Variants in CYFIP1 observed in about 807,000 individuals in gnomAD.
CYFIP1 encodes cytoplasmic FMR1 interacting protein 1.
In CYFIP1, 58 loss-of-function variants were observed where a neutral mutation model predicts 163.5. The observed-to-expected ratio is 0.35, with a 90% CI of 0.29 to 0.44. The LOEUF is 0.44. CYFIP1 is among the 20% of genes least tolerant of loss of function. The pLI, the probability that CYFIP1 is intolerant of heterozygous loss-of-function variation, is 1.00. For synonymous variants in CYFIP1, 663 were observed against 660.7 expected, an observed-to-expected ratio of 1.00 and a Z score of -0.05; for missense variants, 1,338 against 1,653.8, an observed-to-expected ratio of 0.81 and a Z score of 3.31.
chr15:22,949,250 GCGGGCACAA>G, intron 1 of CYFIP1, among the ~76,000 whole-genome samples: 1 of 138,960 alleles, frequency 7.2e-6, no homozygotes, highest in East Asian at 2.6e-4. Flanking sequence ...AGGCCGGAGG[GCGGGCACAA>G]TGTGCCTAAG....
chr15:22,876,730 C>T lies in CYFIP1; in HGVS notation c.3043-1459G>A, dbSNP rs546082342. Among the ~76,000 whole-genome samples the T allele has an allele frequency of 6.3e-4, 96 of 151,990 alleles. 1 individual carries two copies. Among genetic ancestry groups the T allele is most frequent in the African/African-American group, 2.2e-3 (93 of 41,444 alleles). ...CCTGTAATCCCAGCTACTCGGGAGA[C>T]TGAGGCAGGAGAATCACTTGAACCC... On this transcript the variant is annotated intron_variant, in intron 26 of 30. Coordinates refer to ENST00000617928, the MANE Select transcript of CYFIP1 (RefSeq NM_014608.6).
rs563176324 is a variant in CYFIP1, at chr15:22,937,695, T to G, written c.796-487A>C. ...CTCACTGCAACCTCTGCCTCCCAGG[T>G]TCAAGCGATTCTCCTGCCTCAGCCT... On this transcript the variant is annotated intron_variant, in intron 8 of 30. Coordinates refer to ENST00000617928, the MANE Select transcript of CYFIP1 (RefSeq NM_014608.6). Among the ~76,000 whole-genome samples the G allele has an allele frequency of 1.4e-3, 205 of 149,708 alleles. 2 individuals carry two copies. The highest frequency in any genetic ancestry group is 4.9e-3 in the African/African-American group (200 of 40,944).
intron 23 of CYFIP1, among the ~76,000 whole-genome samples, chr15:22,883,848 A>C (rs921224296): frequency 4.6e-5 from 7 of 151,284 alleles, no homozygotes; most frequent in African/African-American, 1.5e-4. Context: ...GGCAGGTTTA[A>C]CTGACTCACA....
chr15:22,873,918 C>T (rs567852007), intron 28 of CYFIP1, among the ~76,000 whole-genome samples, 189 bp from the exon 29 acceptor site: 2 of 152,282 alleles, frequency 1.3e-5, no homozygotes, highest in South Asian at 2.1e-4. Context: ...CCACCACACC[C>T]GGATAATTTT....
At chr15:22,872,650 A>C (rs2059470565) in intron 30 of CYFIP1, 175 bp downstream of exon 30, 2 of 616,378 alleles carry the variant, frequency 3.2e-6, no homozygotes, top group African/African-American at 3.7e-5. Flanking sequence ...TCTCTGCCAG[A>C]CTGCTTTACT....
chr15:22,978,309 G>GCCAC, intron 1 of CYFIP1, among the ~76,000 whole-genome samples: 1 of 122,670 alleles, frequency 8.2e-6, no homozygotes. Context: ...CCGAGTTTGC[G>GCCAC]TCACTGCACT....
chr15:22,874,677 C>T (rs2059532892), intron 27 of CYFIP1, 33 bp from the exon 28 acceptor site: 1 of 1,474,824 alleles, frequency 6.8e-7, no homozygotes, highest in African/African-American at 1.4e-5. Flanking sequence ...CTATATTCTG[C>T]TCCTTTGTAT....
intron 1 of CYFIP1, among the ~76,000 whole-genome samples, chr15:22,979,931 C>G (rs2063415853): frequency 6.6e-6 from 1 of 152,202 alleles, no homozygotes; most frequent in Non-Finnish European, 1.5e-5. Context: ...GCCACTGGAG[C>G]TGTGCCATGT....
Position 22,933,799 on chromosome 15 carries a change from T to C in CYFIP1, c.992+3A>G. Reference sequence around the variant, plus strand: ...AAACCAGGCAGCTTTCCTCTCCTCCTACCGAGATTTATTTTCCTCGTAGTG... The same window carrying C: ...AAACCAGGCAGCTTTCCTCTCCTCCCACCGAGATTTATTTTCCTCGTAGTG... On this transcript the variant is annotated splice_donor_region_variant and intron_variant, in intron 10 of 30. Transcript: ENST00000617928. The C allele has an allele frequency of 6.2e-7, 1 of 1,611,114 alleles. No individual in the cohort carries two copies. Among genetic ancestry groups the C allele is most frequent in the Non-Finnish European group, 8.5e-7 (1 of 1,178,302 alleles).
At chr15:22,945,652 C>A (rs531393889) in intron 3 of CYFIP1, among the ~76,000 whole-genome samples, 1 of 151,878 alleles carries the variant, frequency 6.6e-6, no homozygotes, top group Admixed American at 6.6e-5. Context: ...CAGCTCACTG[C>A]AACCTCTGCC....
intron 1 of CYFIP1, among the ~76,000 whole-genome samples, chr15:22,952,362 T>C (rs2062280339): frequency 6.6e-6 from 1 of 151,956 alleles, no homozygotes; most frequent in African/African-American, 2.4e-5. Context: ...ACACTTAAAA[T>C]GGTGAAGATG....
At chr15:22,943,607 T>TATTCCAGCAAAATTACTGAGC (rs2061962790) in intron 5 of CYFIP1, among the ~76,000 whole-genome samples, 1 of 152,210 alleles carries the variant, frequency 6.6e-6, no homozygotes, top group Non-Finnish European at 1.5e-5. Context: ...TCTTGCTGAT[T>TATTCCAGCAAAATTACTGAGC]ATTCCAGCAA....
chr15:22,903,132 G>A (rs111524990), intron 22 of CYFIP1, among the ~76,000 whole-genome samples: 2 of 152,264 alleles, frequency 1.3e-5, no homozygotes, highest in African/African-American at 4.8e-5. Context: ...CAGGCTGTTG[G>A]TGTCTATGGG....
chr15:22,928,034 C>A lies in CYFIP1; in HGVS notation c.1111-6G>T. 1.3e-6 allele frequency: 2 copies of A among 1,536,692 alleles called. No individual in the cohort carries two copies. Among genetic ancestry groups the A allele is most frequent in the Non-Finnish European group, 8.7e-7 (1 of 1,146,374 alleles). On this transcript the variant is annotated splice_region_variant and splice_polypyrimidine_tract_variant and intron_variant, in intron 11 of 30. Transcript: ENST00000617928. ...CGGCCCGAGCCCGTGACCACCTGCA[C>A]AAGGCGGGCACGGCCCCGTGAGAAA...
At chr15:22,947,595 C>A (rs569112871) in intron 1 of CYFIP1, among the ~76,000 whole-genome samples, 5 of 152,074 alleles carry the variant, frequency 3.3e-5, no homozygotes, top group Admixed American at 3.3e-4. Context: ...TGGGGGCCGC[C>A]GTCCTGAGTT....
intron 9 of CYFIP1, among the ~76,000 whole-genome samples, chr15:22,935,233 G>A (rs2061676178): frequency 6.6e-6 from 1 of 152,182 alleles, no homozygotes. Flanking sequence ...AAGGCAGTGT[G>A]GCCCTGGAGC....
chr15:22,884,231 A>G (rs752796880), intron 23 of CYFIP1, among the ~76,000 whole-genome samples: 3 of 152,300 alleles, frequency 2.0e-5, no homozygotes, highest in Non-Finnish European at 4.4e-5. Context: ...GCATTAATTC[A>G]AAAGTCCAAG....
intron 10 of CYFIP1, 28 bp from the exon 11 acceptor site, chr15:22,932,368 C>A: frequency 1.3e-6 from 2 of 1,514,628 alleles, no homozygotes; most frequent in South Asian, 2.5e-5. Flanking sequence ...ACCCGCGTTA[C>A]CTGCGGAGGC....
chr15:22,953,887 C>G (rs531041293), intron 1 of CYFIP1, among the ~76,000 whole-genome samples: 1 of 152,194 alleles, frequency 6.6e-6, no homozygotes, highest in East Asian at 1.9e-4. Flanking sequence ...AACTCCGTCT[C>G]TATTAAAAAT....
Sources: gnomAD v4.1 joint callset for allele counts (sites outside exome capture counted in the v4.1 genomes callset) on GRCh38, gnomAD v4.1.1 for gene constraint, MANE v1.5 for transcripts, NCBI Gene and HGNC (gene_info 2026-07-23, HGNC 2026-07-21) for gene names.